DOCK2: variants seen among roughly 807,000 people sequenced by gnomAD.
The protein encoded by DOCK2 is dedicator of cytokinesis protein 2.
A neutral mutation model predicts 248.9 loss-of-function variants in DOCK2; 87 were observed. The ratio of observed to expected loss-of-function variants is 0.35; its 90% CI spans 0.29 to 0.42. The LOEUF (loss-of-function observed/expected upper bound fraction) is 0.42, where lower values mean the gene tolerates loss of function less well. DOCK2 is among the 10% of genes least tolerant of loss of function. The pLI is 1.00. For synonymous variants in DOCK2, 805 were observed against 821.6 expected, an observed-to-expected ratio of 0.98 and a Z score of 0.35; for missense variants, 1,747 against 2,300.2, an observed-to-expected ratio of 0.76 and a Z score of 4.92.
At chr5:169,778,323 A>G (rs1159525539) in intron 25 of DOCK2, among the ~76,000 whole-genome samples, 1 of 152,200 alleles carries the variant, frequency 6.6e-6, no homozygotes, top group African/African-American at 2.4e-5. Flanking sequence ...TAACACCCAT[A>G]CTAAATGGTC....
intron 23 of DOCK2, among the ~76,000 whole-genome samples, chr5:169,751,854 C>T (rs965569728): frequency 2.0e-5 from 3 of 152,236 alleles, no homozygotes; most frequent in South Asian, 4.1e-4. Context: ...TTTTAAATCC[C>T]ACCAGAGATC....
chr5:169,874,317 G>A (rs575800490), intron 27 of DOCK2, among the ~76,000 whole-genome samples: 44 of 149,820 alleles, frequency 2.9e-4, no homozygotes, highest in Non-Finnish European at 5.5e-4. Flanking sequence ...GGAGGCTGAG[G>A]CAGAAAAATC....
chr5:169,713,121 A>G (rs1329420182), intron 17 of DOCK2, among the ~76,000 whole-genome samples: 1 of 152,230 alleles, frequency 6.6e-6, no homozygotes, highest in Non-Finnish European at 1.5e-5. Context: ...CTTTTCCAGA[A>G]AACCCCCTTT....
chr5:169,728,957 T>G (rs1762626149), intron 22 of DOCK2, among the ~76,000 whole-genome samples: 1 of 152,202 alleles, frequency 6.6e-6, no homozygotes, highest in South Asian at 2.1e-4. Context: ...TCTTTTAGGT[T>G]GAAATGGTAA....
chr5:170,080,203 C>T lies in DOCK2; in HGVS notation c.5207C>T (p.Ser1736Leu), dbSNP rs929256305. Residue 1736 changes from serine (S) to leucine (L), a missense_variant, in exon 50 of 52, where the codon TCG becomes TTG. This residue lies in a region of DOCK2 where 513 missense variants were observed against 586.1 expected (regional missense o/e 0.88). Coordinates refer to ENST00000520908, the MANE Select transcript of DOCK2 (RefSeq NM_004946.3). ...GAGTTCATGAGTGACACCAACCTCT[C>T]GGAGCATGCGGCCATCCCCCTCAAG... ...KHEFMSDTNL[S>L]EHAAIPLKAS... The T allele has an allele frequency of 3.1e-6, 5 of 1,614,100 alleles. No individual in the cohort carries two copies. The highest frequency in any genetic ancestry group is 1.7e-5 in the Admixed American group (1 of 60,020).
intron 26 of DOCK2, among the ~76,000 whole-genome samples, chr5:169,826,631 G>A (rs763348809): frequency 6.6e-6 from 1 of 152,132 alleles, no homozygotes. Context: ...GACTCACTGC[G>A]AGTGAGACTT....
chr5:169,835,678 C>G (rs780374196), intron 26 of DOCK2, among the ~76,000 whole-genome samples: 6 of 152,126 alleles, frequency 3.9e-5, no homozygotes, highest in Non-Finnish European at 8.8e-5. Context: ...ATAACAATTA[C>G]AACAGCTTAA....
chr5:169,884,021 G>C (rs1772827719), intron 27 of DOCK2: 1 of 908,184 alleles, frequency 1.1e-6, no homozygotes, highest in African/African-American at 1.7e-5. Context: ...GGATGGAGTG[G>C]TCCTCTCCTC....
chr5:169,785,635 G>C (rs1765945481), intron 25 of DOCK2, among the ~76,000 whole-genome samples: 1 of 152,098 alleles, frequency 6.6e-6, no homozygotes, highest in South Asian at 2.1e-4. Context: ...TTCCAGTATT[G>C]CTTAATTTGT....
intron 27 of DOCK2, among the ~76,000 whole-genome samples, chr5:169,888,740 G>T (rs1488668693): frequency 6.6e-6 from 1 of 152,202 alleles, no homozygotes; most frequent in Non-Finnish European, 1.5e-5. Flanking sequence ...TAAACTGGTT[G>T]TGAGAATTAA....
chr5:170,011,530 T>C (rs985446967), intron 32 of DOCK2, among the ~76,000 whole-genome samples: 2 of 151,900 alleles, frequency 1.3e-5, no homozygotes, highest in African/African-American at 4.8e-5. Context: ...TCAGAGAAGG[T>C]ATTTATTAGA....
At chr5:170,012,342 G>GT (rs1475853799) in intron 32 of DOCK2, among the ~76,000 whole-genome samples, 1 of 152,042 alleles carries the variant, frequency 6.6e-6, no homozygotes, top group Non-Finnish European at 1.5e-5. Context: ...AACGACCTAC[G>GT]TTTTTTCAAA....
intron 21 of DOCK2, 40 bp downstream of exon 21, chr5:169,717,524 C>A (rs890849752): frequency 3.1e-6 from 5 of 1,588,132 alleles, no homozygotes; most frequent in African/African-American, 1.3e-5. Flanking sequence ...CTCTACCACC[C>A]TCTTGCCCTG....
At chr5:170,025,792 CT>C (rs1412183401) in intron 33 of DOCK2, among the ~76,000 whole-genome samples, 18 of 49,072 alleles carry the variant, frequency 3.7e-4, no homozygotes, top group African/African-American at 1.2e-3. Context: ...CCTTCCCTCC[CT>C]TCCTTCCTTC....
Position 169,905,042 on chromosome 5 carries a change from C to T in DOCK2, c.2799+64190C>T, listed in dbSNP as rs184802904. On this transcript the variant is annotated intron_variant, in intron 27 of 51. Transcript: ENST00000520908. ...GAAAATGAAGATAGTAGTCATGACA[C>T]TCTCATGGGGCTGAGGTCAGGATTC... 5.9e-4 allele frequency among the ~76,000 whole-genome samples: 90 copies of T among 152,304 alleles called. No individual in the cohort carries two copies. The Middle Eastern group carries it at 0.014, about 23-fold the overall frequency.
rs1756260588 is a variant in DOCK2 at position 170,034,643 on chromosome 5, G to A, written c.3624+88G>A. ...TGGGTCTCACGATTGTTCTTCATAG[G>A]GAAGCAGTGCTTAAGGGCTTTGGAA... On this transcript the variant is annotated intron_variant, in intron 35 of 51. Coordinates refer to ENST00000520908, the MANE Select transcript of DOCK2 (RefSeq NM_004946.3). The A allele has an allele frequency of 3.3e-6, 5 of 1,535,160 alleles. No homozygotes were observed. In the South Asian group the frequency reaches 3.7e-5, roughly 11 times the overall value.
chr5:169,941,065 T>C (rs1318729486), intron 27 of DOCK2, among the ~76,000 whole-genome samples: 3 of 152,118 alleles, frequency 2.0e-5, no homozygotes, highest in African/African-American at 7.2e-5. Flanking sequence ...AGGCAGATAT[T>C]AATCCAGTCA....
At chr5:169,698,992 G>C (rs2113455563) in intron 11 of DOCK2, among the ~76,000 whole-genome samples, 1 of 152,296 alleles carries the variant, frequency 6.6e-6, no homozygotes, top group Non-Finnish European at 1.5e-5. Flanking sequence ...GCTCCAGTTT[G>C]AGAGCATCAT....
Position 169,642,118 on chromosome 5 carries a change from A to G in DOCK2, c.43+4749A>G, listed in dbSNP as rs148131528. On this transcript the variant is annotated intron_variant, in intron 1 of 51. Coordinates refer to ENST00000520908, the MANE Select transcript of DOCK2 (RefSeq NM_004946.3). ...AAACTGCATCCCAAACATACCCAGG[A>G]GCAGAACTTCACTACAGAGGGACCA... Among the ~76,000 whole-genome samples, 457 of 152,342 alleles carry G rather than the reference A, an allele frequency of 3.0e-3. 2 individuals are homozygous for G. Among genetic ancestry groups the G allele is most frequent in the African/African-American group, 0.011 (440 of 41,570 alleles).
Sources: allele counts gnomAD v4.1 joint callset (sites outside exome capture counted in the v4.1 genomes callset), GRCh38; gene constraint gnomAD v4.1.1; regional missense constraint gnomAD v4.1.1; transcripts MANE v1.5; gene names NCBI Gene and HGNC (gene_info 2026-07-23, HGNC 2026-07-21).